Variants in ZFHX3 observed in about 807,000 individuals in gnomAD.
The protein encoded by ZFHX3 is zinc finger homeobox 3, also known as zinc finger homeobox protein 3.
A neutral mutation model predicts 279.1 loss-of-function variants in ZFHX3; 42 were observed. That is an observed-to-expected ratio of 0.15 (90% CI 0.12 to 0.19). ZFHX3 has a LOEUF of 0.19. ZFHX3 is among the 10% of genes least tolerant of loss of function. The pLI is 1.00. For synonymous variants in ZFHX3, 2,293 were observed against 1,957.8 expected (o/e 1.17, Z -4.52); for missense variants, 4,981 against 4,754.0 (o/e 1.05, Z -1.40).
intron 4 of ZFHX3, among the ~76,000 whole-genome samples, chr16:73,312,069 G>A (rs1165373196): frequency 6.6e-6 from 1 of 152,192 alleles, no homozygotes; most frequent in Non-Finnish European, 1.5e-5. Flanking sequence ...CGTATTTTAA[G>A]GGGGCTGTTG....
At chr16:73,441,608 T>C (rs1211748670) in intron 3 of ZFHX3, among the ~76,000 whole-genome samples, 1 of 152,028 alleles carries the variant, frequency 6.6e-6, no homozygotes, top group Non-Finnish European at 1.5e-5. Context: ...CGCATACCAA[T>C]AGGAAGTTCA....
chr16:73,241,381 C>T (rs187213999), intron 5 of ZFHX3, among the ~76,000 whole-genome samples: 17 of 152,292 alleles, frequency 1.1e-4, no homozygotes, highest in African/African-American at 3.9e-4. Flanking sequence ...CCTTTTCACA[C>T]TAACCAAAGG....
At chr16:73,462,006 C>A (rs1000682586) in intron 2 of ZFHX3, among the ~76,000 whole-genome samples, 2 of 152,132 alleles carry the variant, frequency 1.3e-5, no homozygotes, top group Non-Finnish European at 2.9e-5. Context: ...CATTGAATGT[C>A]TCTCCATTTA....
chr16:72,792,392 A>G (rs2035739723), intron 9 of ZFHX3, among the ~76,000 whole-genome samples: 1 of 152,178 alleles, frequency 6.6e-6, no homozygotes. Flanking sequence ...AAAAACAGCC[A>G]CTATTGTTCT....
intron 1 of ZFHX3, among the ~76,000 whole-genome samples, chr16:73,829,202 C>T (rs1449600406): frequency 1.1e-5 from 1 of 93,590 alleles, no homozygotes; most frequent in Non-Finnish European, 1.8e-5. Context: ...CGCATCGGCT[C>T]CTGAGGCTTC....
intron 5 of ZFHX3, among the ~76,000 whole-genome samples, chr16:73,256,509 T>C (rs181789968): frequency 2.3e-4 from 35 of 152,346 alleles, no homozygotes; most frequent in Admixed American, 2.2e-3. Context: ...ATTTCTGTTC[T>C]ACAACCTCAG....
Position 73,835,458 on chromosome 16 carries a change from C to CTTTTTTT in ZFHX3, c.-1608+56186_-1608+56192dup, listed in dbSNP as rs34127285. ...ACTTTCCTCCACCATCCCTCTTCTG[C>CTTTTTTT]TTTTTTTTTTTTTTTTTTTTTTTTT... is the stretch of plus-strand genomic sequence containing the variant. On this transcript the variant is annotated intron_variant, in intron 1 of 17. Transcript: ENST00000641206. Among the ~76,000 whole-genome samples, 54 of 49,540 alleles carry CTTTTTTT rather than the reference C, an allele frequency of 1.1e-3. 16 individuals carry two copies. Among genetic ancestry groups the CTTTTTTT allele is most frequent in the Non-Finnish European group, 1.5e-3 (36 of 24,404 alleles). 32.5% of individuals were successfully genotyped at this position (49,540 alleles called of 152,430 possible).
chr16:73,108,237 G>A (rs905003374), intron 7 of ZFHX3, among the ~76,000 whole-genome samples: 1 of 151,992 alleles, frequency 6.6e-6, no homozygotes, highest in Admixed American at 6.5e-5. Context: ...AAGAGGCTGA[G>A]GTGGGAGGAT....
Position 73,555,218 on chromosome 16 carries a change from G to A in ZFHX3, c.-1546-98960C>T, listed in dbSNP as rs188350030. Among the ~76,000 whole-genome samples the A allele has an allele frequency of 2.8e-3, 433 of 152,042 alleles. 1 individual carries two copies. The highest frequency in any genetic ancestry group is 9.9e-3 in the African/African-American group (412 of 41,482). The stretch of plus-strand genomic sequence containing the variant: ...CAACCAGGCTGCAGTGCAGTGGCGC[G>A]ATCTCAGCTCACTGCAACCTGTGCC... On this transcript the variant is annotated intron_variant, in intron 2 of 17. Transcript: ENST00000641206.
chr16:73,533,284 T>C (rs1391522381), intron 2 of ZFHX3, among the ~76,000 whole-genome samples: 2 of 151,706 alleles, frequency 1.3e-5, no homozygotes, highest in African/African-American at 4.8e-5. Context: ...CAAGGACTCC[T>C]GACTATCACT....
At chr16:73,735,382 T>TAAA (rs1310717929) in intron 1 of ZFHX3, among the ~76,000 whole-genome samples, 3 of 102,268 alleles carry the variant, frequency 2.9e-5, no homozygotes, top group African/African-American at 3.5e-5. Context: ...TGTGTGCTTC[T>TAAA]AAAAAAAAAA....
intron 3 of ZFHX3, among the ~76,000 whole-genome samples, chr16:72,903,887 A>G (rs1327989116): frequency 6.6e-6 from 1 of 152,096 alleles, no homozygotes; most frequent in African/African-American, 2.4e-5. Flanking sequence ...TCCTACTCCA[A>G]AGCTGTCCCC....
chr16:73,432,192 T>G (rs2143516832), intron 3 of ZFHX3, among the ~76,000 whole-genome samples: 1 of 152,324 alleles, frequency 6.6e-6, no homozygotes, highest in South Asian at 2.1e-4. Flanking sequence ...AGAAATTTGA[T>G]ACTAGGGATA....
At chr16:73,129,780 C>T (rs986145031) in intron 7 of ZFHX3, among the ~76,000 whole-genome samples, 3 of 151,638 alleles carry the variant, frequency 2.0e-5, no homozygotes, top group Admixed American at 6.6e-5. Flanking sequence ...TCCTTTCAAC[C>T]GATATTTTGG....
intron 2 of ZFHX3, among the ~76,000 whole-genome samples, chr16:73,573,748 T>G (rs571770045): frequency 8.5e-5 from 13 of 152,354 alleles, no homozygotes; most frequent in Admixed American, 8.5e-4. Context: ...TTTCCACCAG[T>G]GTGGTTGTTT....
At chr16:73,004,263 C>CCAAAGTGCT (rs892296033) in intron 1 of ZFHX3, among the ~76,000 whole-genome samples, 3 of 147,346 alleles carry the variant, frequency 2.0e-5, no homozygotes, top group African/African-American at 7.5e-5. Flanking sequence ...CCTCAGCCTC[C>CCAAAGTGCT]CAAAGTGCTA....
intron 1 of ZFHX3, among the ~76,000 whole-genome samples, chr16:72,996,811 G>A (rs1411774115): frequency 1.3e-5 from 2 of 152,210 alleles, no homozygotes; most frequent in Non-Finnish European, 2.9e-5. Flanking sequence ...ATATGGACTG[G>A]TCTGACCAGT....
At chr16:73,554,932 C>A (rs576860479) in intron 2 of ZFHX3, 1 of 152,196 alleles carries the variant, frequency 6.6e-6, no homozygotes, top group Non-Finnish European at 1.5e-5. Flanking sequence ...CCTGCTGGTA[C>A]GGGTATGAGT....
intron 3 of ZFHX3, among the ~76,000 whole-genome samples, chr16:72,945,189 A>G (rs1438933657): frequency 6.6e-6 from 1 of 152,240 alleles, no homozygotes. Flanking sequence ...AGGAGGAAAG[A>G]ACAAGGGACC....
Sources: gnomAD v4.1 joint callset for allele counts (sites outside exome capture counted in the v4.1 genomes callset) on GRCh38, gnomAD v4.1.1 for gene constraint, MANE v1.5 for transcripts, NCBI Gene and HGNC (gene_info 2026-07-23, HGNC 2026-07-21) for gene names.